RPTOR: variants seen among roughly 807,000 people sequenced by gnomAD.
RPTOR encodes the protein regulatory-associated protein of mTOR.
A neutral mutation model predicts 169.9 loss-of-function variants in RPTOR; 21 were observed. That is an observed-to-expected ratio of 0.12 (90% CI 0.09 to 0.18). RPTOR has a LOEUF of 0.18. Among genes scored for constraint, RPTOR ranks in the 10% least tolerant of loss-of-function variants. The probability of loss-of-function intolerance (pLI) is 1.00; values close to 1 mark genes in which losing one functional copy is unlikely to be tolerated. For missense variants in RPTOR, 1,133 were observed against 1,855.9 expected (o/e 0.61, Z 7.16); for synonymous variants, 732 against 753.2 (o/e 0.97, Z 0.46).
At chr17:80,935,883 T>C (rs940080414) in intron 24 of RPTOR, among the ~76,000 whole-genome samples, 1 of 152,114 alleles carries the variant, frequency 6.6e-6, no homozygotes, top group Non-Finnish European at 1.5e-5. Flanking sequence ...TTCATCAAAA[T>C]TAAAAACTGC....
chr17:80,922,181 A>G (rs896543506), intron 21 of RPTOR, among the ~76,000 whole-genome samples: 1 of 152,192 alleles, frequency 6.6e-6, no homozygotes, highest in Non-Finnish European at 1.5e-5. Context: ...GGGTGGATGA[A>G]GCACTCCCTG....
In RPTOR at chr17:80,826,465, G is replaced by A. The variant is rs937268790; in HGVS notation, c.1136+3242G>A. Among the ~76,000 whole-genome samples the A allele has an allele frequency of 3.9e-5, 6 of 152,234 alleles. No individual in the cohort carries two copies. In the East Asian group the frequency reaches 5.8e-4, roughly 15 times the overall value. ...TCTGGACTAGAAGAGAGCAGCCAGC[G>A]GCACCCGGCCACTGTAGCGGTCACT... On this transcript the variant is annotated intron_variant, in intron 9 of 33. Coordinates refer to ENST00000306801, the MANE Select transcript of RPTOR (RefSeq NM_020761.3).
Position 80,641,005 on chromosome 17 carries a change from C to T in RPTOR, c.266-2723C>T, listed in dbSNP as rs141313955. ...TTTACTTTGCTCCTCCTCATGCATGCGGCAAGGTCGCTCTTTGGCATCTGT... is the reference window on the plus strand; with the variant it reads ...TTTACTTTGCTCCTCCTCATGCATGTGGCAAGGTCGCTCTTTGGCATCTGT... On this transcript the variant is annotated intron_variant, in intron 2 of 33. Transcript: ENST00000306801. Among the ~76,000 whole-genome samples, 35 of 152,332 alleles carry T rather than the reference C, an allele frequency of 2.3e-4. No homozygotes were observed. The East Asian group carries it at 6.4e-3, about 28-fold the overall frequency.
intron 2 of RPTOR, among the ~76,000 whole-genome samples, chr17:80,638,219 C>T (rs1253961978): frequency 6.6e-6 from 1 of 152,130 alleles, no homozygotes; most frequent in Admixed American, 6.5e-5. Flanking sequence ...GAGCATGAGC[C>T]CACACTCTGA....
At chr17:80,774,094 C>A in intron 6 of RPTOR, 1 of 985,396 alleles carries the variant, frequency 1.0e-6, no homozygotes. Flanking sequence ...ACTAGAAACA[C>A]CTCAAGTTTT....
rs370557386 is a variant in RPTOR at position 80,964,362 on chromosome 17, G to A, written c.*32G>A. 20 of 1,598,054 alleles carry A rather than the reference G, an allele frequency of 1.3e-5. No individual in the cohort carries two copies. The highest frequency in any genetic ancestry group is 3.3e-4 in the Middle Eastern group (2 of 6,072). The stretch of plus-strand genomic sequence containing the variant: ...GACCCGGGCCCACCAGGCCACGGCC[G>A]CCTGCTGTACATAGTGAAGCTGTCA... On this transcript the variant is annotated 3_prime_UTR_variant, in exon 34 of 34. Coordinates refer to ENST00000306801, the MANE Select transcript of RPTOR (RefSeq NM_020761.3).
chr17:80,583,190 T>TTG (rs201759711), intron 1 of RPTOR, among the ~76,000 whole-genome samples: 12 of 129,218 alleles, frequency 9.3e-5, no homozygotes, highest in African/African-American at 3.6e-4. Flanking sequence ...CTGTTTTTTT[T>TTG]TTTTTTTTTT....
intron 20 of RPTOR, among the ~76,000 whole-genome samples, chr17:80,897,344 TAGA>T (rs2068419678): frequency 1.3e-5 from 2 of 152,236 alleles, no homozygotes; most frequent in African/African-American, 4.8e-5. Flanking sequence ...ACATTTGCTG[TAGA>T]TTTTTTGAGT....
intron 27 of RPTOR, among the ~76,000 whole-genome samples, chr17:80,948,083 G>A (rs1349452089): frequency 6.6e-6 from 1 of 152,240 alleles, no homozygotes; most frequent in Non-Finnish European, 1.5e-5. Flanking sequence ...TGCACTTCCT[G>A]TGGAGACTAG....
chr17:80,699,097 C>T (rs2066061311), intron 3 of RPTOR, among the ~76,000 whole-genome samples: 1 of 152,210 alleles, frequency 6.6e-6, no homozygotes, highest in South Asian at 2.1e-4. Context: ...TGTACTCCAA[C>T]CCATCAAAAT....
rs183260941 is a variant in RPTOR, at chr17:80,549,763, A to G, written c.162+3972A>G. 1.7e-3 allele frequency among the ~76,000 whole-genome samples: 252 copies of G among 152,310 alleles called. 2 individuals carry two copies. The highest frequency in any genetic ancestry group is 5.4e-3 in the African/African-American group (225 of 41,552). ...GCTATTGCTCTGAAAGTGTTGACAG[A>G]CATGCTATGTCTACACACATGTAGA... On this transcript the variant is annotated intron_variant, in intron 1 of 33. Transcript: ENST00000306801.
chr17:80,674,824 AAC>A (rs1567851494), intron 3 of RPTOR, among the ~76,000 whole-genome samples: 25 of 126,870 alleles, frequency 2.0e-4, no homozygotes, highest in African/African-American at 7.0e-4. Context: ...AAAAAAAAAA[AAC>A]AACTTCTCAA....
chr17:80,753,632 C>A (rs80015653), intron 5 of RPTOR, among the ~76,000 whole-genome samples: 315 of 94,788 alleles, frequency 3.3e-3, no homozygotes, highest in African/African-American at 6.2e-3. Context: ...AACTCCGTCT[C>A]AAAAAAAAAA....
chr17:80,791,367 C>A, intron 6 of RPTOR, 83 bp from the exon 7 acceptor site: 2 of 1,260,412 alleles, frequency 1.6e-6, no homozygotes, highest in Admixed American at 3.8e-5. Context: ...CCACCTTTAA[C>A]TCTTCCCTTT....
At chr17:80,849,268 T>G (rs1024708128) in intron 11 of RPTOR, among the ~76,000 whole-genome samples, 1 of 152,200 alleles carries the variant, frequency 6.6e-6, no homozygotes, top group Non-Finnish European at 1.5e-5. Flanking sequence ...CTCACTCGCT[T>G]CCGGTTTTCC....
At chr17:80,838,071 C>G in intron 10 of RPTOR, 74 bp downstream of exon 10, 1 of 1,302,436 alleles carries the variant, frequency 7.7e-7, no homozygotes, top group South Asian at 1.3e-5. Context: ...TGCAAAGCCC[C>G]CAGACTGGGG....
chr17:80,648,720 A>G (rs559456976), intron 3 of RPTOR, among the ~76,000 whole-genome samples: 1 of 152,086 alleles, frequency 6.6e-6, no homozygotes, highest in Admixed American at 6.5e-5. Flanking sequence ...AATGTTTTGG[A>G]ATGAATTTTA....
intron 1 of RPTOR, among the ~76,000 whole-genome samples, chr17:80,611,707 C>T (rs1199715513): frequency 3.3e-5 from 5 of 150,610 alleles, no homozygotes; most frequent in African/African-American, 9.9e-5. Context: ...CTAAATAGTT[C>T]GTCTATATTG....
chr17:80,801,475 C>T (rs1256542707), intron 7 of RPTOR, among the ~76,000 whole-genome samples: 6 of 152,060 alleles, frequency 3.9e-5, no homozygotes, highest in Admixed American at 6.5e-5. Context: ...GAACAGAGCA[C>T]GGGCTCCTCA....
Sources: allele counts gnomAD v4.1 joint callset (sites outside exome capture counted in the v4.1 genomes callset), GRCh38; gene constraint gnomAD v4.1.1; transcripts MANE v1.5; gene names NCBI Gene and HGNC (gene_info 2026-07-23, HGNC 2026-07-21).